The following MB21D2 variants were observed in gnomAD, a reference collection of about 807,000 sequenced individuals.
MB21D2 encodes the protein nucleotidyltransferase MB21D2.
MB21D2 carries 9 observed loss-of-function variants against 33.3 expected under a neutral mutation model. That is an observed-to-expected ratio of 0.27 (90% CI 0.16 to 0.47). The LOEUF (loss-of-function observed/expected upper bound fraction) is 0.47. Ranked by LOEUF, MB21D2 falls within the 20% of genes least tolerant of loss-of-function variation. The probability of loss-of-function intolerance (pLI) is 0.99; values close to 1 mark genes in which losing one functional copy is unlikely to be tolerated. For synonymous variants in MB21D2, 241 were observed against 236.3 expected, an observed-to-expected ratio of 1.02 and a Z score of -0.18; for missense variants, 540 against 624.6, an observed-to-expected ratio of 0.86 and a Z score of 1.44.
chr3:192,838,489 C>T (rs1022937644), intron 1 of MB21D2, among the ~76,000 whole-genome samples: 1 of 148,066 alleles, frequency 6.8e-6, no homozygotes, highest in Non-Finnish European at 1.5e-5. Flanking sequence ...AGTGCAGTGG[C>T]GCGATCTCGG....
intron 1 of MB21D2, among the ~76,000 whole-genome samples, chr3:192,840,864 T>C (rs945082569): frequency 5.9e-5 from 9 of 152,216 alleles, no homozygotes; most frequent in African/African-American, 1.2e-4. Flanking sequence ...CCTGCAATCA[T>C]TGGGAGCTTC....
chr3:192,877,059 G>T (rs576492855), intron 1 of MB21D2, among the ~76,000 whole-genome samples: 1 of 152,310 alleles, frequency 6.6e-6, no homozygotes, highest in South Asian at 2.1e-4. Context: ...GAAAGAGAAG[G>T]AGAGAAACAG....
chr3:192,858,504 G>A (rs1001240993), intron 1 of MB21D2, among the ~76,000 whole-genome samples: 3 of 152,174 alleles, frequency 2.0e-5, no homozygotes, highest in Admixed American at 6.5e-5. Context: ...CCATGCAAAC[G>A]ACAAAGTATT....
At chr3:192,850,066 G>A (rs1364168578) in intron 1 of MB21D2, among the ~76,000 whole-genome samples, 4 of 152,026 alleles carry the variant, frequency 2.6e-5, no homozygotes, top group African/African-American at 4.8e-5. Context: ...CTACTGGCGC[G>A]TGCCACCACA....
intron 1 of MB21D2, among the ~76,000 whole-genome samples, chr3:192,891,817 A>C (rs1364748040): frequency 6.6e-6 from 1 of 152,112 alleles, no homozygotes; most frequent in African/African-American, 2.4e-5. Flanking sequence ...ACTGGTATAG[A>C]GGTGATGGGA....
At chr3:192,909,153 G>A (rs1714278259) in intron 1 of MB21D2, among the ~76,000 whole-genome samples, 3 of 151,868 alleles carry the variant, frequency 2.0e-5, no homozygotes, top group Admixed American at 1.3e-4. Context: ...CTACTCGGGA[G>A]GCTGAGGCAG....
chr3:192,912,389 C>T (rs916915585), intron 1 of MB21D2, among the ~76,000 whole-genome samples: 3 of 152,270 alleles, frequency 2.0e-5, no homozygotes, highest in South Asian at 4.1e-4. Flanking sequence ...TTATCTCAGG[C>T]GGGGCATGGT....
chr3:192,886,946 C>T (rs1304567328), intron 1 of MB21D2, among the ~76,000 whole-genome samples: 1 of 151,014 alleles, frequency 6.6e-6, no homozygotes, highest in Non-Finnish European at 1.5e-5. Flanking sequence ...CTGGAAATTA[C>T]AAAGTCTTCA....
chr3:192,803,877 C>T (rs185060184), intron 1 of MB21D2, among the ~76,000 whole-genome samples: 1 of 152,280 alleles, frequency 6.6e-6, no homozygotes, highest in Non-Finnish European at 1.5e-5. Context: ...GGAAGATGCA[C>T]ATACACCACT....
chr3:192,870,030 C>G (rs12639362), intron 1 of MB21D2, among the ~76,000 whole-genome samples: 90,362 of 152,074 alleles, frequency 0.59, 28,256 homozygotes, highest in African/African-American at 0.78. Context: ...TATCAGAAAG[C>G]CTAGCTGAAT....
rs778701093 is a variant in MB21D2, at chr3:192,799,016, C to T, written c.846G>A (p.Lys282=). The change falls in exon 2 of 2, where the codon AAG becomes AAA. Residue 282 remains lysine (K), a synonymous_variant. Coordinates refer to ENST00000392452, the MANE Select transcript of MB21D2 (RefSeq NM_178496.4). The surrounding 1 kb of genome is among the most constrained non-coding windows in gnomAD (Gnocchi z 4.1). The part of the protein sequence containing the change: ...YLVPACSYKG[K]KDNEWRLSFA... Reference sequence around the variant, plus strand: ...AGGACAGCCGCCATTCATTGTCCTTCTTACCCTTGTAGGAGCAAGCAGGCA... The same window carrying T: ...AGGACAGCCGCCATTCATTGTCCTTTTTACCCTTGTAGGAGCAAGCAGGCA... 4 of 1,614,142 alleles carry T rather than the reference C, an allele frequency of 2.5e-6. No individual in the cohort carries two copies. The highest frequency in any genetic ancestry group is 2.2e-5 in the South Asian group (2 of 91,080).
Position 192,917,796 on chromosome 3 carries a change from G to A in MB21D2, c.45C>T (p.Gly15=). The change falls in exon 1 of 2, where the codon GGC becomes GGT. Residue 15 remains glycine (G), a synonymous_variant. Coordinates refer to ENST00000392452, the MANE Select transcript of MB21D2 (RefSeq NM_178496.4). ...APTANKAASL[G]CNNKPAFPEL... ...CCGGGAACGCAGGCTTGTTGTTACA[G>A]CCCAGGGAGGCTGCCTTGTTGGCGG... is the stretch of plus-strand genomic sequence containing the variant. The A allele has an allele frequency of 6.2e-7, 1 of 1,612,830 alleles. No homozygotes were observed.
intron 1 of MB21D2, among the ~76,000 whole-genome samples, chr3:192,824,916 C>T (rs1175581224): frequency 6.6e-6 from 1 of 152,134 alleles, no homozygotes; most frequent in Non-Finnish European, 1.5e-5. Flanking sequence ...CAAAGTCTAT[C>T]CAAACTCTTC....
At chr3:192,882,597 T>C (rs1210034249) in intron 1 of MB21D2, among the ~76,000 whole-genome samples, 1 of 151,734 alleles carries the variant, frequency 6.6e-6, no homozygotes, top group Non-Finnish European at 1.5e-5. Context: ...CTGTTTACCA[T>C]TGGTTATGGT....
At chr3:192,889,807 C>G (rs1054324243) in intron 1 of MB21D2, among the ~76,000 whole-genome samples, 6 of 152,086 alleles carry the variant, frequency 3.9e-5, no homozygotes, top group African/African-American at 1.2e-4. Flanking sequence ...TAACTCTTAT[C>G]ACTGCTGGGA....
intron 1 of MB21D2, among the ~76,000 whole-genome samples, chr3:192,822,203 G>A (rs1712075336): frequency 6.6e-6 from 1 of 152,018 alleles, no homozygotes; most frequent in Admixed American, 6.6e-5. Flanking sequence ...GGGGTGGGAG[G>A]TTGGAATGGG....
intron 1 of MB21D2, among the ~76,000 whole-genome samples, chr3:192,898,262 C>G (rs1714021397): frequency 6.7e-6 from 1 of 150,300 alleles, no homozygotes; most frequent in Non-Finnish European, 1.5e-5. Context: ...CACTATATTG[C>G]CCAGGCTGGT....
At chr3:192,852,513 G>A (rs1712829332) in intron 1 of MB21D2, among the ~76,000 whole-genome samples, 1 of 152,072 alleles carries the variant, frequency 6.6e-6, no homozygotes. Context: ...ATTTTAAACG[G>A]GGGAAAAACA....
Position 192,798,933 on chromosome 3 carries a change from T to C in MB21D2, c.929A>G (p.Tyr310Cys), listed in dbSNP as rs753537989. ...KCISSSLMQA[Y>C]QACKAIIIKL... ...AATGATGATGGCTTTGCAGGCCTGA[T>C]AGGCCTGCATGAGGCTGCTGGAGAT... The change falls in exon 2 of 2, where the codon TAT becomes TGT. Residue 310 changes from tyrosine (Y) to cysteine (C), a missense_variant. Transcript: ENST00000392452. The surrounding 1 kb of genome is among the most constrained non-coding windows in gnomAD (Gnocchi z 4.8). 1.1e-5 allele frequency: 18 copies of C among 1,613,788 alleles called. No individual in the cohort carries two copies. The highest frequency in any genetic ancestry group is 1.0e-4 in the Admixed American group (6 of 60,006).
Sources: gnomAD v4.1 joint callset for allele counts (sites outside exome capture counted in the v4.1 genomes callset) on GRCh38, gnomAD v4.1.1 for gene constraint, Gnocchi (gnomAD v3.1) non-coding constraint, MANE v1.5 for transcripts, NCBI Gene and HGNC (gene_info 2026-07-23, HGNC 2026-07-21) for gene names.